The following BABAM2 variants were observed in gnomAD, a reference collection of about 807,000 sequenced individuals.
The protein encoded by BABAM2 is BRISC and BRCA1-A complex member 2.
Under a neutral mutation model 54.7 loss-of-function variants are expected in BABAM2, and 31 were observed. That is an observed-to-expected ratio of 0.57 (90% CI 0.43 to 0.77). The LOEUF (loss-of-function observed/expected upper bound fraction) is 0.77, where lower values mean the gene tolerates loss of function less well. Ranked by LOEUF, BABAM2 falls within the 30% of genes least tolerant of loss-of-function variation. The probability of loss-of-function intolerance (pLI) is 0.00; values close to 1 mark genes in which losing one functional copy is unlikely to be tolerated. For missense variants in BABAM2, 364 were observed against 455.8 expected, an observed-to-expected ratio of 0.80 and a Z score of 1.83; for synonymous variants, 167 against 162.9, an observed-to-expected ratio of 1.03 and a Z score of -0.19.
At chr2:28,248,207 C>CTTTTTCTTTCTTTTTTTTTT (rs1553349503) in intron 10 of BABAM2, among the ~76,000 whole-genome samples, 2 of 54,306 alleles carry the variant, frequency 3.7e-5, no homozygotes, top group African/African-American at 1.3e-4. Flanking sequence ...TTTTCTTTTT[C>CTTTTTCTTTCTTTTTTTTTT]TTTTTTTTTT....
chr2:28,217,911 A>G (rs1346417733), intron 7 of BABAM2, among the ~76,000 whole-genome samples: 2 of 152,212 alleles, frequency 1.3e-5, no homozygotes, highest in South Asian at 2.1e-4. Flanking sequence ...AATTCTCTGT[A>G]TCATATAACA....
chr2:27,991,130 A>AAAAT (rs1044433249), intron 4 of BABAM2, among the ~76,000 whole-genome samples: 1 of 152,222 alleles, frequency 6.6e-6, no homozygotes, highest in African/African-American at 2.4e-5. Flanking sequence ...GATATACATT[A>AAAAT]AAATAAATTG....
At chr2:28,324,091 T>A (rs1028533634) in intron 11 of BABAM2, among the ~76,000 whole-genome samples, 1 of 152,084 alleles carries the variant, frequency 6.6e-6, no homozygotes, top group African/African-American at 2.4e-5. Flanking sequence ...GGGAGGGCCA[T>A]CTAGGGGGTT....
chr2:28,061,784 T>A (rs1010053242), intron 6 of BABAM2, among the ~76,000 whole-genome samples: 1 of 151,954 alleles, frequency 6.6e-6, no homozygotes, highest in African/African-American at 2.4e-5. Flanking sequence ...CTTTTTTTTT[T>A]TAAAAACCTG....
At chr2:28,124,659 A>G (rs73922236) in intron 6 of BABAM2, among the ~76,000 whole-genome samples, 2,839 of 152,328 alleles carry the variant, frequency 0.019, 80 homozygotes, top group African/African-American at 0.065. Context: ...TTCAGCTAAC[A>G]TTGAGTGGTT....
At chr2:28,052,495 C>T (rs923103750) in intron 6 of BABAM2, among the ~76,000 whole-genome samples, 2 of 151,908 alleles carry the variant, frequency 1.3e-5, no homozygotes, top group Admixed American at 1.3e-4. Flanking sequence ...GTCATGTTGG[C>T]CAGGCTGGTC....
At chr2:28,093,587 A>G (rs1230029168) in intron 6 of BABAM2, among the ~76,000 whole-genome samples, 1 of 152,202 alleles carries the variant, frequency 6.6e-6, no homozygotes, top group Non-Finnish European at 1.5e-5. Flanking sequence ...TAATAGGAAT[A>G]AAGATAGAAC....
At chr2:28,112,147 T>TTCTTTCCTTCCCTCCC (rs1558346715) in intron 6 of BABAM2, among the ~76,000 whole-genome samples, 1 of 5,240 alleles carries the variant, frequency 1.9e-4, no homozygotes, top group Non-Finnish European at 3.2e-4. Flanking sequence ...CTTTCTTTCT[T>TTCTTTCCTTCCCTCCC]TACCTCCCTC....
At chr2:28,061,611 GAA>G (rs1678885047) in intron 6 of BABAM2, among the ~76,000 whole-genome samples, 1 of 142,706 alleles carries the variant, frequency 7.0e-6, no homozygotes, top group African/African-American at 2.6e-5. Context: ...AAAGAGAAAA[GAA>G]AAGAAACTTC....
intron 10 of BABAM2, among the ~76,000 whole-genome samples, chr2:28,269,642 A>C (rs1685255945): frequency 6.6e-6 from 1 of 152,176 alleles, no homozygotes; most frequent in Non-Finnish European, 1.5e-5. Context: ...CTGGAGATAA[A>C]GGCAGGCCAC....
chr2:28,155,738 T>G (rs1359576041), intron 7 of BABAM2, among the ~76,000 whole-genome samples: 1 of 152,180 alleles, frequency 6.6e-6, no homozygotes, highest in Non-Finnish European at 1.5e-5. Context: ...AACAGCATTT[T>G]CTTTCCTTCT....
At position 28,013,694 on chromosome 2, in the gene BABAM2, T is replaced by TACACACACACAC. The variant is rs56148921; in HGVS notation, c.301-11507_301-11496dup. Reference sequence around the variant, plus strand: ...AAAAAAAAAAAAAAAAAAAAGCTCTTACACACACACACACACACACACACA... The same window carrying TACACACACACAC: ...AAAAAAAAAAAAAAAAAAAAGCTCTTACACACACACACACACACACACACACACACACACACA... On this transcript the variant is annotated intron_variant, in intron 4 of 11. Coordinates refer to ENST00000379624, the MANE Select transcript of BABAM2 (RefSeq NM_199191.3). 7.7e-3 allele frequency among the ~76,000 whole-genome samples: 821 copies of TACACACACACAC among 106,028 alleles called. 15 individuals carry two copies. Among genetic ancestry groups the TACACACACACAC allele is most frequent in the Middle Eastern group, 0.024 (4 of 164 alleles). 69.6% of individuals were successfully genotyped at this position (106,028 alleles called of 152,430 possible). A position where few individuals can be genotyped will look rare whatever the true frequency, so the allele number is the denominator to read the frequency against.
At chr2:28,126,521 A>G (rs1368519707) in intron 6 of BABAM2, among the ~76,000 whole-genome samples, 2 of 141,574 alleles carry the variant, frequency 1.4e-5, no homozygotes, top group Non-Finnish European at 3.1e-5. Context: ...TATGTGCCAC[A>G]TTTTCTTAAT....
chr2:28,248,515 T>C (rs1352061709), intron 10 of BABAM2, among the ~76,000 whole-genome samples: 1 of 152,016 alleles, frequency 6.6e-6, no homozygotes, highest in East Asian at 1.9e-4. Flanking sequence ...GGTCCACTAG[T>C]AGCTTTTCAG....
intron 6 of BABAM2, among the ~76,000 whole-genome samples, chr2:28,099,918 A>G (rs1425311744): frequency 6.6e-6 from 1 of 152,130 alleles, no homozygotes; most frequent in Non-Finnish European, 1.5e-5. Flanking sequence ...GCATATAATC[A>G]GGATTTATAA....
At chr2:27,963,004 C>T (rs1670580172) in intron 3 of BABAM2, among the ~76,000 whole-genome samples, 1 of 152,176 alleles carries the variant, frequency 6.6e-6, no homozygotes, top group South Asian at 2.1e-4. Flanking sequence ...GAAAGGAGCT[C>T]TCAGCAGAAT....
intron 7 of BABAM2, among the ~76,000 whole-genome samples, chr2:28,235,418 G>A (rs1028148405): frequency 6.6e-6 from 1 of 151,672 alleles, no homozygotes; most frequent in South Asian, 2.1e-4. Context: ...CTTGTGATCC[G>A]CCCCCCTCAG....
At chr2:28,289,898 C>CCTGAG (rs1687147947) in intron 10 of BABAM2, among the ~76,000 whole-genome samples, 1 of 152,072 alleles carries the variant, frequency 6.6e-6, no homozygotes, top group Non-Finnish European at 1.5e-5. Flanking sequence ...GTTGAAGCCC[C>CCTGAG]CTGAGTGCCC....
At chr2:27,992,559 G>A (rs1193315055) in intron 4 of BABAM2, among the ~76,000 whole-genome samples, 1 of 152,116 alleles carries the variant, frequency 6.6e-6, no homozygotes, top group African/African-American at 2.4e-5. Flanking sequence ...GTTAAATACT[G>A]TTTTTCACGT....
Sources: gnomAD v4.1 joint callset for allele counts (sites outside exome capture counted in the v4.1 genomes callset) on GRCh38, gnomAD v4.1.1 for gene constraint, MANE v1.5 for transcripts, NCBI Gene and HGNC (gene_info 2026-07-23, HGNC 2026-07-21) for gene names.